The following TRPC7 variants were observed in gnomAD, a reference collection of about 807,000 sequenced individuals.
TRPC7 encodes the protein short transient receptor potential channel 7.
In TRPC7, 42 loss-of-function variants were observed where a neutral mutation model predicts 90.1. The ratio of observed to expected loss-of-function variants is 0.47; its 90% confidence interval spans 0.36 to 0.60. TRPC7 has a LOEUF of 0.60. Among genes scored for constraint, TRPC7 ranks in the 20% least tolerant of loss-of-function variants. The probability of loss-of-function intolerance (pLI) is 0.00; values close to 1 mark genes in which losing one functional copy is unlikely to be tolerated. For synonymous variants in TRPC7, 451 were observed against 436.3 expected (o/e 1.03, Z -0.42); for missense variants, 955 against 1,112.3 (o/e 0.86, Z 2.01).
At chr5:136,244,315 TAC>T (rs1756267717) in intron 7 of TRPC7, among the ~76,000 whole-genome samples, 1 of 152,132 alleles carries the variant, frequency 6.6e-6, no homozygotes, top group Non-Finnish European at 1.5e-5. Flanking sequence ...AGACATGAGC[TAC>T]CAGGCCTGGC....
At chr5:136,341,474 TAC>T (rs72512515) in intron 2 of TRPC7, among the ~76,000 whole-genome samples, 69,165 of 150,866 alleles carry the variant, frequency 0.46, 16,925 homozygotes, top group Middle Eastern at 0.6. Context: ...TACATATATA[TAC>T]ACACACACAC....
At chr5:136,237,215 G>A (rs1487664474) in intron 7 of TRPC7, among the ~76,000 whole-genome samples, 2 of 152,068 alleles carry the variant, frequency 1.3e-5, no homozygotes, top group African/African-American at 4.8e-5. Flanking sequence ...GTTCTACCTT[G>A]GGTCCTCAAC....
chr5:136,335,532 C>T (rs899266360), intron 2 of TRPC7, among the ~76,000 whole-genome samples: 1 of 151,936 alleles, frequency 6.6e-6, no homozygotes, highest in African/African-American at 2.4e-5. Context: ...AGTGTGTAGA[C>T]TTTTGCAGTG....
chr5:136,239,290 C>T (rs1756083596), intron 7 of TRPC7, among the ~76,000 whole-genome samples: 1 of 152,198 alleles, frequency 6.6e-6, no homozygotes, highest in Non-Finnish European at 1.5e-5. Flanking sequence ...CCCAGCCGGT[C>T]CTGACTTGAA....
At chr5:136,317,303 A>C (rs980383116) in intron 2 of TRPC7, among the ~76,000 whole-genome samples, 1 of 152,202 alleles carries the variant, frequency 6.6e-6, no homozygotes, top group African/African-American at 2.4e-5. Context: ...ACACTCACCC[A>C]TCTGCCATTC....
chr5:136,219,936 C>T lies in TRPC7; in HGVS notation c.2344-3661G>A, dbSNP rs117778039. Among the ~76,000 whole-genome samples, 373 of 152,276 alleles carry T rather than the reference C, an allele frequency of 2.4e-3. 1 individual carries two copies. The highest frequency in any genetic ancestry group is 0.011 in the East Asian group (58 of 5,186). On this transcript the variant is annotated intron_variant, in intron 10 of 11. Transcript: ENST00000513104. ...ATGGATGGCACAGAGGATATTGTTG[C>T]GGGAAGTCAGGGACCCTGAATGGAG...
At chr5:136,248,082 C>T (rs1160547263) in intron 6 of TRPC7, among the ~76,000 whole-genome samples, 2 of 152,184 alleles carry the variant, frequency 1.3e-5, no homozygotes, top group Non-Finnish European at 2.9e-5. Context: ...TCCTGTACAC[C>T]CTCCATGTCT....
intron 2 of TRPC7, among the ~76,000 whole-genome samples, chr5:136,354,104 C>A (rs898937780): frequency 6.6e-6 from 1 of 152,088 alleles, no homozygotes; most frequent in Non-Finnish European, 1.5e-5. Flanking sequence ...TTTTAAAAAA[C>A]TTTTTGGCTT....
chr5:136,285,512 G>A (rs1384794766), intron 3 of TRPC7, among the ~76,000 whole-genome samples: 1 of 152,164 alleles, frequency 6.6e-6, no homozygotes, highest in Non-Finnish European at 1.5e-5. Flanking sequence ...GAAAGTTCCT[G>A]GGCCAGTGTG....
intron 3 of TRPC7, among the ~76,000 whole-genome samples, chr5:136,283,103 G>A (rs542774852): frequency 5.9e-5 from 9 of 152,312 alleles, no homozygotes; most frequent in African/African-American, 2.2e-4. Flanking sequence ...GCCAGTTGCT[G>A]GGACACATGC....
intron 10 of TRPC7, among the ~76,000 whole-genome samples, chr5:136,220,518 A>G (rs904801148): frequency 1.3e-5 from 2 of 152,118 alleles, no homozygotes; most frequent in African/African-American, 4.8e-5. Flanking sequence ...GTGGAGAAGA[A>G]ACCCCACCCT....
At chr5:136,296,898 C>T (rs888962876) in intron 3 of TRPC7, among the ~76,000 whole-genome samples, 12 of 152,342 alleles carry the variant, frequency 7.9e-5, no homozygotes, top group African/African-American at 2.6e-4. Flanking sequence ...AGCCCACATG[C>T]TGGCCTGGCC....
chr5:136,298,041 G>A (rs761346301), intron 3 of TRPC7, among the ~76,000 whole-genome samples: 2 of 152,178 alleles, frequency 1.3e-5, no homozygotes, highest in Non-Finnish European at 2.9e-5. Context: ...TATGCTCTAT[G>A]CTGGGGATAC....
Position 136,365,499 on chromosome 5 carries a change from G to T in TRPC7, c.-245C>A. ...GTGTTACCGTCCTTTTCCTAATCGG[G>T]GGGAAATTTCCCAGAGAACATGACG... is the stretch of plus-strand genomic sequence containing the variant. On this transcript the variant is annotated 5_prime_UTR_variant, in exon 1 of 12. Coordinates refer to ENST00000513104, the MANE Select transcript of TRPC7 (RefSeq NM_020389.3). 1 of 567,934 alleles carries T rather than the reference G, an allele frequency of 1.8e-6. No homozygotes were observed. Among genetic ancestry groups the T allele is most frequent in the Non-Finnish European group, 3.1e-6 (1 of 319,314 alleles). 35.2% of individuals were successfully genotyped at this position (567,934 alleles called of 1,614,324 possible).
chr5:136,343,169 T>C (rs747298961), intron 2 of TRPC7, among the ~76,000 whole-genome samples: 7 of 152,214 alleles, frequency 4.6e-5, no homozygotes, highest in African/African-American at 1.4e-4. Context: ...AGATGTAATA[T>C]AGAATAATTC....
At chr5:136,242,394 C>G (rs1429997120) in intron 7 of TRPC7, among the ~76,000 whole-genome samples, 1 of 152,144 alleles carries the variant, frequency 6.6e-6, no homozygotes, top group Non-Finnish European at 1.5e-5. Context: ...TCCCCTTAGG[C>G]CAGCACTGGA....
rs566622812 is a variant in TRPC7, at chr5:136,353,576, T to A, written c.780+3032A>T. ...CTTTTTTATTACAATTTGACTTCTT[T>A]CCTGCTAAGCTGCTCTCCTCTGAGA... On this transcript the variant is annotated intron_variant, in intron 2 of 11. Transcript: ENST00000513104. Among the ~76,000 whole-genome samples the A allele has an allele frequency of 3.9e-5, 6 of 152,344 alleles. No individual in the cohort carries two copies. The East Asian group carries it at 1.2e-3, about 29-fold the overall frequency.
At chr5:136,296,976 C>T (rs1252579505) in intron 3 of TRPC7, among the ~76,000 whole-genome samples, 2 of 152,174 alleles carry the variant, frequency 1.3e-5, no homozygotes, top group Non-Finnish European at 2.9e-5. Flanking sequence ...CTCCTCTTCC[C>T]AAGCTCCTTT....
At chr5:136,348,466 C>T (rs1394777200) in intron 2 of TRPC7, among the ~76,000 whole-genome samples, 5 of 152,188 alleles carry the variant, frequency 3.3e-5, no homozygotes, top group African/African-American at 1.2e-4. Flanking sequence ...TAAGCTGCCC[C>T]ATTGAGACAA....
Sources: allele counts gnomAD v4.1 joint callset (sites outside exome capture counted in the v4.1 genomes callset), GRCh38; gene constraint gnomAD v4.1.1; transcripts MANE v1.5; gene names NCBI Gene and HGNC (gene_info 2026-07-23, HGNC 2026-07-21).